Variants in CFAP44 observed in about 807,000 individuals in gnomAD.
The protein encoded by CFAP44 is cilia- and flagella-associated protein 44.
A neutral mutation model predicts 216.2 loss-of-function variants in CFAP44; 134 were observed. The observed-to-expected ratio is 0.62, with a 90% CI of 0.54 to 0.72. The LOEUF (loss-of-function observed/expected upper bound fraction) is 0.72, where lower values mean the gene tolerates loss of function less well. Ranked by LOEUF, CFAP44 falls within the 30% of genes least tolerant of loss-of-function variation. The pLI is 0.00. For missense variants in CFAP44, 2,035 were observed against 2,182.1 expected (o/e 0.93, Z 1.34); for synonymous variants, 700 against 727.6 (o/e 0.96, Z 0.61).
chr3:113,401,653 T>G lies in CFAP44; in HGVS notation c.1257A>C (p.Val419=). ...LEIEPINELQ[V]DKNVNLFSMI... is the part of the protein sequence containing the mutation. The stretch of plus-strand genomic sequence containing the variant: ...TAGAGAAGAGATTCACATTCTTGTC[T>G]ACTTGAAGTTCATTAATAGGCTCAA... The change falls in exon 10 of 35, where the codon GTA becomes GTC. Residue 419 remains valine, a synonymous_variant. Transcript: ENST00000393845. 1 of 1,613,628 alleles carries G rather than the reference T, an allele frequency of 6.2e-7. No homozygotes were observed. Among genetic ancestry groups the G allele is most frequent in the Non-Finnish European group, 8.5e-7 (1 of 1,179,738 alleles).
intron 2 of CFAP44, 112 bp from the exon 3 acceptor site, chr3:113,427,451 T>A (rs1934993213): frequency 2.7e-6 from 2 of 727,334 alleles, no homozygotes; most frequent in Non-Finnish European, 4.3e-6. Context: ...ATCTAATACA[T>A]ACTCAAAAAT....
chr3:113,294,544 G>A, intron 34 of CFAP44, 143 bp downstream of exon 34: 2 of 1,099,584 alleles, frequency 1.8e-6, no homozygotes, highest in Non-Finnish European at 2.5e-6. Context: ...CCAACTCAGT[G>A]TCCTCGGGGA....
At chr3:113,355,241 C>T (rs1009790150) in intron 22 of CFAP44, among the ~76,000 whole-genome samples, 3 of 152,102 alleles carry the variant, frequency 2.0e-5, no homozygotes, top group Non-Finnish European at 4.4e-5. Context: ...AAAATTTAAG[C>T]CAGGCGTGGT....
chr3:113,299,580 G>A (rs551849192), intron 32 of CFAP44, among the ~76,000 whole-genome samples: 1 of 152,150 alleles, frequency 6.6e-6, no homozygotes, highest in Non-Finnish European at 1.5e-5. Context: ...CCAAAAGAAA[G>A]GAAATCAGTA....
chr3:113,414,428 G>A (rs1193761937), intron 6 of CFAP44, among the ~76,000 whole-genome samples: 1 of 152,166 alleles, frequency 6.6e-6, no homozygotes, highest in Non-Finnish European at 1.5e-5. Context: ...GGGCATCCTT[G>A]TCTTGTACCA....
intron 30 of CFAP44, among the ~76,000 whole-genome samples, chr3:113,305,505 T>G (rs529775438): frequency 6.6e-6 from 1 of 152,330 alleles, no homozygotes; most frequent in East Asian, 1.9e-4. Flanking sequence ...GGTCATGACT[T>G]CAACAAATTA....
intron 28 of CFAP44, among the ~76,000 whole-genome samples, chr3:113,316,629 GAGAC>G (rs1404774394): frequency 1.3e-5 from 2 of 152,108 alleles, no homozygotes; most frequent in African/African-American, 4.8e-5. Context: ...AGCACTTTGA[GAGAC>G]CGAGGTGGGT....
chr3:113,409,006 C>CAAAA (rs56301009), intron 7 of CFAP44, 100 bp downstream of exon 7: 307 of 319,346 alleles, frequency 9.6e-4, no homozygotes, highest in South Asian at 1.4e-3. Context: ...ACCAAAACAG[C>CAAAA]AAAAAAAAAA....
chr3:113,346,175 G>A (rs906657054), intron 22 of CFAP44, among the ~76,000 whole-genome samples: 1 of 152,292 alleles, frequency 6.6e-6, no homozygotes, highest in African/African-American at 2.4e-5. Context: ...GCACCAATCA[G>A]CGCTCTGTGT....
chr3:113,303,090 G>A (rs1011012599), intron 32 of CFAP44, among the ~76,000 whole-genome samples: 3 of 152,198 alleles, frequency 2.0e-5, no homozygotes, highest in African/African-American at 7.2e-5. Context: ...AATATCAACT[G>A]TTGATGACAA....
chr3:113,381,159 C>T (rs948247350), intron 15 of CFAP44, 99 bp from the exon 16 acceptor site: 1 of 851,702 alleles, frequency 1.2e-6, no homozygotes, highest in Non-Finnish European at 1.6e-6. Context: ...TGTATATTAG[C>T]CATGTTTAAA....
intron 28 of CFAP44, among the ~76,000 whole-genome samples, chr3:113,312,538 T>C (rs1950049926): frequency 6.6e-6 from 1 of 152,134 alleles, no homozygotes. Flanking sequence ...TAATTCCCCA[T>C]TGTTGTAGGG....
At chr3:113,300,492 T>TAC (rs1949924353) in intron 32 of CFAP44, among the ~76,000 whole-genome samples, 3 of 147,238 alleles carry the variant, frequency 2.0e-5, no homozygotes, top group African/African-American at 7.5e-5. Flanking sequence ...TATATATATA[T>TAC]ACCTACTATG....
Position 113,304,109 on chromosome 3 carries a change from A to G in CFAP44, c.4884T>C (p.Tyr1628=), listed in dbSNP as rs1352533871. The change falls in exon 32 of 35, where the codon TAT becomes TAC. Residue 1628 remains tyrosine (Y), a synonymous_variant. Transcript: ENST00000393845. ...VIPLKLHQIE[Y]VVFGEIPSDL... ...CGCTAGGTATTTCTCCAAATACCACATACTCTATCTACAAGCATAAAACAA... is the reference window on the plus strand; with the variant it reads ...CGCTAGGTATTTCTCCAAATACCACGTACTCTATCTACAAGCATAAAACAA... 3.3e-6 allele frequency: 5 copies of G among 1,536,948 alleles called. No individual in the cohort carries two copies. In the East Asian group the frequency reaches 7.3e-5, roughly 23 times the overall value.
chr3:113,299,173 G>A lies in CFAP44; in HGVS notation c.5078-2288C>T, dbSNP rs148866914. ...TTTGCAAATTATTCATCTGACAAGG[G>A]GTTAATAACCAGAATATATAAGGAG... On this transcript the variant is annotated intron_variant, in intron 32 of 34. Coordinates refer to ENST00000393845, the MANE Select transcript of CFAP44 (RefSeq NM_001164496.2). 1.1e-3 allele frequency among the ~76,000 whole-genome samples: 171 copies of A among 152,152 alleles called. 1 individual carries two copies. Among genetic ancestry groups the A allele is most frequent in the African/African-American group, 3.1e-3 (130 of 41,506 alleles).
At chr3:113,330,729 T>C in intron 25 of CFAP44, 61 bp from the exon 26 acceptor site, 1 of 1,456,190 alleles carries the variant, frequency 6.9e-7, no homozygotes, top group East Asian at 2.5e-5. Flanking sequence ...CTGTATGGAA[T>C]ATGATCTGCT....
intron 15 of CFAP44, among the ~76,000 whole-genome samples, chr3:113,392,800 A>G (rs561051583): frequency 8.2e-4 from 125 of 152,344 alleles, no homozygotes; most frequent in African/African-American, 2.8e-3. Context: ...GAGGAAGAAC[A>G]TGTCTTAGAG....
In CFAP44 at chr3:113,420,021, A is replaced by G; in HGVS notation, c.566T>C (p.Ile189Thr). 1.2e-6 allele frequency: 2 copies of G among 1,612,828 alleles called. No homozygotes were observed. Among genetic ancestry groups the G allele is most frequent in the South Asian group, 2.2e-5 (2 of 90,612 alleles). Reference sequence around the variant, plus strand: ...TCTAATTTATTGAAGGCATACCCCAATGACGCCAATTCCTTCACCACTGCT... The same window carrying G: ...TCTAATTTATTGAAGGCATACCCCAGTGACGCCAATTCCTTCACCACTGCT... ...RSSSGEGIGV[I>T]GVHPHKTYFT... is the part of the protein sequence containing the mutation. The change falls in exon 5 of 35, where the codon ATT becomes ACT. Residue 189 changes from isoleucine to threonine, a missense_variant. Physicochemically the swap from Ile to Thr is moderately conservative, Grantham distance 89. Transcript: ENST00000393845.
chr3:113,356,178 T>C (rs1046387185), intron 22 of CFAP44, among the ~76,000 whole-genome samples: 2 of 150,412 alleles, frequency 1.3e-5, no homozygotes, highest in African/African-American at 4.9e-5. Flanking sequence ...TATTTAGATA[T>C]ATGGTTGTAA....
Sources: allele counts gnomAD v4.1 joint callset (sites outside exome capture counted in the v4.1 genomes callset), GRCh38; gene constraint gnomAD v4.1.1; transcripts MANE v1.5; gene names NCBI Gene and HGNC (gene_info 2026-07-23, HGNC 2026-07-21).